Variants in RP1 observed in about 807,000 individuals in gnomAD.
The protein encoded by RP1 is RP1 axonemal microtubule associated.
RP1 carries 16 observed loss-of-function variants against 14.8 expected under a neutral mutation model. The ratio of observed to expected loss-of-function variants is 1.08; its 90% CI spans 0.73 to 1.65. The LOEUF (loss-of-function observed/expected upper bound fraction) is 1.65, where lower values mean the gene tolerates loss of function less well. RP1 is among the 40% of genes most tolerant of loss of function. RP1 has a pLI of 0.00. For synonymous variants in RP1, 876 were observed against 883.6 expected (o/e 0.99, Z 0.15); for missense variants, 2,631 against 2,535.0 (o/e 1.04, Z -0.81).
intron 23 of RP1, among the ~76,000 whole-genome samples, chr8:54,781,341 G>A (rs1013715036): frequency 2.6e-5 from 4 of 152,136 alleles, no homozygotes; most frequent in Non-Finnish European, 4.4e-5. Flanking sequence ...ATTTTCCAAA[G>A]GGATTAACAG....
At chr8:54,869,856 T>C (rs530833786) in exon 29 of RP1, 1 of 1,230,362 alleles carries the variant, frequency 8.1e-7, no homozygotes, top group Admixed American at 4.2e-5. Flanking sequence ...GCTAGATGAG[T>C]ACCAAGATGA....
intron 4 of RP1, among the ~76,000 whole-genome samples, chr8:54,652,155 C>T (rs1806668842): frequency 6.6e-6 from 1 of 152,018 alleles, no homozygotes; most frequent in Non-Finnish European, 1.5e-5. Context: ...TTACAGGCGC[C>T]TGCCAACACG....
At chr8:54,599,462 CT>C (rs34021495) in intron 1 of RP1, among the ~76,000 whole-genome samples, 106,864 of 141,094 alleles carry the variant, frequency 0.76, 40,989 homozygotes, top group Middle Eastern at 0.88. Context: ...GACTGAAAGT[CT>C]TTTTTTTTTT....
intron 24 of RP1, among the ~76,000 whole-genome samples, chr8:54,831,387 A>G (rs1236224571): frequency 1.5e-5 from 2 of 136,112 alleles, no homozygotes; most frequent in East Asian, 4.5e-4. Context: ...CTTTTTTGGG[A>G]TAACCTATTG....
At chr8:54,780,896 A>C (rs143709529) in intron 23 of RP1, 29 of 984,514 alleles carry the variant, frequency 2.9e-5, no homozygotes, top group East Asian at 2.3e-4. Context: ...ACGTGGTTGC[A>C]TGAGAATGGA....
At chr8:54,773,307 G>A (rs368778893), downstream of RP1, among the ~76,000 whole-genome samples, 59 of 152,032 alleles carry the variant, frequency 3.9e-4, 1 homozygote, top group Admixed American at 2.4e-3. Context: ...TAATTTATCC[G>A]GTATCTCATT....
At chr8:54,685,604 T>C (rs1340224043) in intron 12 of RP1, among the ~76,000 whole-genome samples, 1 of 152,180 alleles carries the variant, frequency 6.6e-6, no homozygotes, top group Admixed American at 6.5e-5. Flanking sequence ...TTCTAGAGAA[T>C]GAGCCAGAGA....
At chr8:54,672,825 C>T (rs543785116) in intron 7 of RP1, among the ~76,000 whole-genome samples, 7 of 152,172 alleles carry the variant, frequency 4.6e-5, no homozygotes, top group African/African-American at 1.4e-4. Context: ...TAGTTCTTAA[C>T]GAGTATGTCA....
At chr8:54,704,034 A>G (rs1808092186) in intron 14 of RP1, among the ~76,000 whole-genome samples, 1 of 152,166 alleles carries the variant, frequency 6.6e-6, no homozygotes, top group Non-Finnish European at 1.5e-5. Flanking sequence ...AACTTTCCCC[A>G]TATCAGCAAT....
chr8:54,856,257 T>C (rs1336925640), intron 26 of RP1, among the ~76,000 whole-genome samples: 2 of 151,958 alleles, frequency 1.3e-5, no homozygotes, highest in South Asian at 2.1e-4. Flanking sequence ...AAAATAAAAG[T>C]GCTAAAAGTC....
intron 12 of RP1, among the ~76,000 whole-genome samples, chr8:54,688,840 T>C (rs578188495): frequency 6.6e-6 from 1 of 152,208 alleles, no homozygotes; most frequent in Non-Finnish European, 1.5e-5. Flanking sequence ...TTTTTCCAAT[T>C]CTGTGAAGAA....
At chr8:54,863,515 C>G (rs984330955) in intron 27 of RP1, among the ~76,000 whole-genome samples, 2 of 152,170 alleles carry the variant, frequency 1.3e-5, no homozygotes, top group African/African-American at 4.8e-5. Flanking sequence ...AAATTTTACT[C>G]CATCTGTAAT....
rs1330376739 is a variant in RP1, at chr8:54,626,129, C to T, written c.2247C>T (p.Leu749=). Residue 749 remains leucine, a synonymous_variant, in exon 4 of 4, where the codon CTC becomes CTT. Transcript: ENST00000220676. The part of the protein sequence containing the change: ...ESNTFCSKSN[L]NSTISKNFHR... Reference sequence around the variant, plus strand: ...ATACTTTTTGTTCCAAAAGTAATCTCAATTCCACGATTTCCAAGAATTTCC... The same window carrying T: ...ATACTTTTTGTTCCAAAAGTAATCTTAATTCCACGATTTCCAAGAATTTCC... 1 of 1,613,022 alleles carries T rather than the reference C, an allele frequency of 6.2e-7. No individual in the cohort carries two copies. The highest frequency in any genetic ancestry group is 2.2e-5 in the East Asian group (1 of 44,804).
chr8:54,736,542 G>A (rs772847011), intron 18 of RP1, among the ~76,000 whole-genome samples: 33 of 152,206 alleles, frequency 2.2e-4, no homozygotes, highest in Admixed American at 3.3e-4. Context: ...GCACCTGGTA[G>A]ATGGGAAGTG....
intron 12 of RP1, chr8:54,696,347 A>G (rs1313220302): frequency 5.7e-6 from 3 of 522,570 alleles, no homozygotes; most frequent in Non-Finnish European, 1.0e-5. Context: ...ATAGTAAGAA[A>G]TGAAGGATTG....
At chr8:54,738,925 C>G in intron 18 of RP1, 1 of 1,409,774 alleles carries the variant, frequency 7.1e-7, no homozygotes, top group Admixed American at 2.5e-5. Flanking sequence ...ATTTTTTTCT[C>G]CTTTGCATTT....
rs1368152950 is a variant in RP1 at position 54,626,953 on chromosome 8, G to A, written c.3071G>A (p.Cys1024Tyr). 1.2e-6 allele frequency: 2 copies of A among 1,613,960 alleles called. No homozygotes were observed. Among genetic ancestry groups the A allele is most frequent in the Non-Finnish European group, 1.7e-6 (2 of 1,179,968 alleles). The stretch of plus-strand genomic sequence containing the variant: ...TATTTGGTTCCCCTGCATGAACACT[G>A]TACTTTGTCACAGTCAGCTATTAAT... ...DAYLVPLHEH[C>Y]TLSQSAINDH... Residue 1024 changes from cysteine to tyrosine, a missense_variant, in exon 4 of 4, where the codon TGT becomes TAT. Physicochemically the swap from Cys to Tyr is radical, Grantham distance 194. Transcript: ENST00000220676.
intron 3 of RP1, among the ~76,000 whole-genome samples, chr8:54,638,481 T>C (rs1312175152): frequency 6.6e-6 from 1 of 151,480 alleles, no homozygotes; most frequent in African/African-American, 2.4e-5. Flanking sequence ...GTTTAATGGA[T>C]AAAAATTATA....
intron 7 of RP1, among the ~76,000 whole-genome samples, chr8:54,664,809 A>C (rs1245122664): frequency 6.6e-6 from 1 of 152,140 alleles, no homozygotes; most frequent in Non-Finnish European, 1.5e-5. Flanking sequence ...TCATGGACAC[A>C]ATGAGAGCAA....
Sources: allele counts gnomAD v4.1 joint callset (sites outside exome capture counted in the v4.1 genomes callset), GRCh38; gene constraint gnomAD v4.1.1; transcripts MANE v1.5; gene names NCBI Gene and HGNC (gene_info 2026-07-23, HGNC 2026-07-21).